The following PAWR variants were observed in gnomAD, a reference collection of about 807,000 sequenced individuals.
PAWR encodes the protein PRKC apoptosis WT1 regulator protein.
Under a neutral mutation model 32.0 loss-of-function variants are expected in PAWR, and 23 were observed. The observed-to-expected ratio is 0.72, with a 90% CI of 0.52 to 1.02. PAWR has a LOEUF of 1.02. Ranked by LOEUF, PAWR falls within the 50% of genes least tolerant of loss-of-function variation. The pLI is 0.00. For synonymous variants in PAWR, 226 were observed against 187.1 expected, an observed-to-expected ratio of 1.21 and a Z score of -1.70; for missense variants, 457 against 437.7, an observed-to-expected ratio of 1.04 and a Z score of -0.39.
At chr12:79,593,666 T>TA (rs1043869638) in intron 6 of PAWR, among the ~76,000 whole-genome samples, 1 of 144,018 alleles carries the variant, frequency 6.9e-6, no homozygotes, top group Non-Finnish European at 1.5e-5. Context: ...TCTCAAAAAA[T>TA]AATAATAATA....
At chr12:79,615,251 TG>T (rs1365058480) in intron 3 of PAWR, among the ~76,000 whole-genome samples, 1 of 152,200 alleles carries the variant, frequency 6.6e-6, no homozygotes, top group Non-Finnish European at 1.5e-5. Context: ...TGTAAGTGTC[TG>T]ACAAATAAGA....
chr12:79,598,334 T>G (rs1479317612), intron 4 of PAWR, among the ~76,000 whole-genome samples: 2 of 152,222 alleles, frequency 1.3e-5, no homozygotes, highest in Admixed American at 1.3e-4. Flanking sequence ...TTTCTGTGTT[T>G]TGTTTTAATA....
At chr12:79,676,859 T>A (rs979370400) in intron 2 of PAWR, among the ~76,000 whole-genome samples, 37 of 152,292 alleles carry the variant, frequency 2.4e-4, no homozygotes, top group African/African-American at 8.9e-4. Flanking sequence ...TTATCAGTCC[T>A]TCAAGATTCA....
chr12:79,671,104 A>G (rs1221209154), intron 2 of PAWR, among the ~76,000 whole-genome samples: 2 of 150,824 alleles, frequency 1.3e-5, no homozygotes, highest in Non-Finnish European at 3.0e-5. Flanking sequence ...GCCTGGGCAA[A>G]AAGCAAGACC....
At chr12:79,622,021 A>G (rs1012664038) in intron 2 of PAWR, among the ~76,000 whole-genome samples, 3 of 151,882 alleles carry the variant, frequency 2.0e-5, no homozygotes, top group Non-Finnish European at 4.4e-5. Flanking sequence ...CAAATAAACA[A>G]ACAAAAACAA....
intron 2 of PAWR, among the ~76,000 whole-genome samples, chr12:79,647,517 A>AAG (rs1876634590): frequency 6.6e-6 from 1 of 152,164 alleles, no homozygotes; most frequent in Admixed American, 6.5e-5. Flanking sequence ...TAAAGTTCTA[A>AAG]AAACAGTTAA....
intron 2 of PAWR, among the ~76,000 whole-genome samples, chr12:79,652,808 T>C (rs911744964): frequency 1.3e-5 from 2 of 152,214 alleles, no homozygotes; most frequent in African/African-American, 4.8e-5. Context: ...AGAGTTCTTT[T>C]CTGAATTTAA....
intron 4 of PAWR, among the ~76,000 whole-genome samples, chr12:79,601,105 G>A (rs1873944533): frequency 6.6e-6 from 1 of 151,698 alleles, no homozygotes; most frequent in Admixed American, 6.6e-5. Context: ...CCTATAAATT[G>A]TGGCCCATTT....
At chr12:79,638,795 G>GTC (rs1287268113) in intron 2 of PAWR, among the ~76,000 whole-genome samples, 1 of 129,262 alleles carries the variant, frequency 7.7e-6, no homozygotes, top group Non-Finnish European at 1.6e-5. Flanking sequence ...TTTGGGGTGT[G>GTC]TGTGTGTGTG....
At chr12:79,604,611 CTT>C in intron 4 of PAWR, 1 of 1,282,122 alleles carries the variant, frequency 7.8e-7, no homozygotes, top group Non-Finnish European at 1.0e-6. Flanking sequence ...CCAACAACTA[CTT>C]AACTGGCTTC....
intron 4 of PAWR, among the ~76,000 whole-genome samples, chr12:79,599,943 CT>C (rs1380125493): frequency 2.0e-5 from 3 of 152,130 alleles, no homozygotes; most frequent in Non-Finnish European, 4.4e-5. Flanking sequence ...TTGTAATATT[CT>C]TTCAAATAAT....
At chr12:79,634,480 A>C (rs1875865857) in intron 2 of PAWR, among the ~76,000 whole-genome samples, 1 of 152,192 alleles carries the variant, frequency 6.6e-6, no homozygotes, top group Non-Finnish European at 1.5e-5. Flanking sequence ...CACAATGTAC[A>C]TTCAGGAAGA....
chr12:79,593,641 C>CAG (rs1873637257), intron 6 of PAWR, among the ~76,000 whole-genome samples: 1 of 148,652 alleles, frequency 6.7e-6, no homozygotes, highest in East Asian at 2.0e-4. Flanking sequence ...GCCTGGGCAA[C>CAG]AGAGAGAGAC....
intron 2 of PAWR, among the ~76,000 whole-genome samples, chr12:79,680,244 T>C (rs952652253): frequency 6.6e-6 from 1 of 152,188 alleles, no homozygotes; most frequent in African/African-American, 2.4e-5. Flanking sequence ...TAGAAATATA[T>C]GCATACACAC....
chr12:79,649,726 G>A (rs553806864), intron 2 of PAWR, among the ~76,000 whole-genome samples: 121 of 152,288 alleles, frequency 7.9e-4, no homozygotes, highest in African/African-American at 2.7e-3. Flanking sequence ...AGGATTTGAG[G>A]CTGCAGTGAG....
rs1873376085 is a variant in PAWR at position 79,586,042 on chromosome 12, T to A, written c.*6565A>T. 1 of 152,176 alleles carries A rather than the reference T, an allele frequency of 6.6e-6. No individual in the cohort carries two copies. The highest frequency in any genetic ancestry group is 1.5e-5 in the Non-Finnish European group (1 of 68,036). 9.4% of individuals were successfully genotyped at this position (152,176 alleles called of 1,614,324 possible). A position where few individuals can be genotyped will look rare whatever the true frequency, so the allele number is the denominator to read the frequency against. On this transcript the variant is annotated 3_prime_UTR_variant, in exon 7 of 7. Coordinates refer to ENST00000328827, the MANE Select transcript of PAWR (RefSeq NM_002583.4). ...CATTTCCAAAGCATCCATTTAGTCA[T>A]CTCATCAAAATTTTCATTGATTTAA...
chr12:79,673,817 G>A (rs1878029206), intron 2 of PAWR, among the ~76,000 whole-genome samples: 1 of 151,932 alleles, frequency 6.6e-6, no homozygotes, highest in South Asian at 2.1e-4. Context: ...ACCACAAAAA[G>A]AATAAAACAC....
intron 4 of PAWR, among the ~76,000 whole-genome samples, chr12:79,610,893 C>T (rs1029897697): frequency 6.6e-6 from 1 of 150,680 alleles, no homozygotes. Flanking sequence ...TAGTTCCCTA[C>T]AGTTAAACAC....
intron 2 of PAWR, among the ~76,000 whole-genome samples, chr12:79,632,945 C>T (rs1023804006): frequency 2.0e-5 from 3 of 151,916 alleles, no homozygotes; most frequent in South Asian, 2.1e-4. Context: ...ACCAGCCTGG[C>T]CAACATGGTG....
Sources: allele counts gnomAD v4.1 joint callset (sites outside exome capture counted in the v4.1 genomes callset), GRCh38; gene constraint gnomAD v4.1.1; transcripts MANE v1.5; gene names NCBI Gene and HGNC (gene_info 2026-07-23, HGNC 2026-07-21).